CATSPERB: variants seen among roughly 807,000 people sequenced by gnomAD.
CATSPERB encodes catsper channel auxiliary subunit beta, also known as cation channel sperm-associated auxiliary subunit beta.
CATSPERB carries 93 observed loss-of-function variants against 128.3 expected under a neutral mutation model. The observed-to-expected ratio is 0.72, with a 90% CI of 0.61 to 0.86. The LOEUF (loss-of-function observed/expected upper bound fraction) is 0.86, where lower values mean the gene tolerates loss of function less well. CATSPERB is among the 40% of genes least tolerant of loss of function. CATSPERB has a pLI of 0.00. For synonymous variants in CATSPERB, 381 were observed against 448.8 expected (o/e 0.85, Z 1.91); for missense variants, 1,153 against 1,329.5 (o/e 0.87, Z 2.06).
At chr14:91,700,614 C>T (rs1895631640) in intron 7 of CATSPERB, among the ~76,000 whole-genome samples, 1 of 152,066 alleles carries the variant, frequency 6.6e-6, no homozygotes, top group Non-Finnish European at 1.5e-5. Flanking sequence ...TGGATAAAGA[C>T]AATGTGGCAC....
intron 20 of CATSPERB, among the ~76,000 whole-genome samples, chr14:91,615,642 TGAG>T (rs1459794311): frequency 6.6e-6 from 1 of 152,246 alleles, no homozygotes; most frequent in Non-Finnish European, 1.5e-5. Flanking sequence ...TTTAAAAGGC[TGAG>T]TAGTATTACA....
intron 22 of CATSPERB, among the ~76,000 whole-genome samples, chr14:91,601,088 C>G (rs1473771308): frequency 1.3e-5 from 2 of 152,184 alleles, no homozygotes; most frequent in African/African-American, 2.4e-5. Context: ...GAGGTTTCTA[C>G]TCTAAGGCTT....
At chr14:91,699,613 A>T (rs1336624228) in intron 7 of CATSPERB, among the ~76,000 whole-genome samples, 2 of 149,226 alleles carry the variant, frequency 1.3e-5, no homozygotes, top group East Asian at 3.9e-4. Context: ...TGCTCTTGTC[A>T]CCCAGGCTGG....
intron 19 of CATSPERB, among the ~76,000 whole-genome samples, chr14:91,619,327 G>T (rs1372738684): frequency 6.6e-6 from 1 of 151,932 alleles, no homozygotes; most frequent in Non-Finnish European, 1.5e-5. Flanking sequence ...TAAATAGAAA[G>T]TTAAAACCAT....
At chr14:91,683,327 T>A (rs2139839380) in intron 11 of CATSPERB, among the ~76,000 whole-genome samples, 1 of 152,360 alleles carries the variant, frequency 6.6e-6, no homozygotes, top group Non-Finnish European at 1.5e-5. Context: ...CCAGATCGAC[T>A]ATGCCACCCA....
chr14:91,635,011 G>A (rs1327476228), intron 17 of CATSPERB, among the ~76,000 whole-genome samples: 2 of 151,946 alleles, frequency 1.3e-5, no homozygotes, highest in African/African-American at 2.4e-5. Context: ...TCTGGTGAGG[G>A]TCCACTTTCT....
chr14:91,649,961 G>A (rs1241491972), intron 15 of CATSPERB, among the ~76,000 whole-genome samples: 1 of 152,038 alleles, frequency 6.6e-6, no homozygotes, highest in African/African-American at 2.4e-5. Flanking sequence ...CTTTTCAGTA[G>A]CAAAACTTTG....
Position 91,607,367 on chromosome 14 carries a change from G to C in CATSPERB, c.2709+927C>G, listed in dbSNP as rs181720268. Among the ~76,000 whole-genome samples the C allele has an allele frequency of 2.8e-4, 43 of 152,298 alleles. No homozygotes were observed. In the East Asian group the frequency reaches 5.8e-3, roughly 20 times the overall value. On this transcript the variant is annotated intron_variant, in intron 22 of 26. Coordinates refer to ENST00000256343, the MANE Select transcript of CATSPERB (RefSeq NM_024764.4). ...TTCTAAATAGAGTGGTCAGAGAAGG[G>C]CTTACTGTGATGGTGACTTGAGGAA...
chr14:91,630,724 C>T (rs888927688), intron 17 of CATSPERB, among the ~76,000 whole-genome samples: 3 of 152,214 alleles, frequency 2.0e-5, no homozygotes, highest in African/African-American at 7.2e-5. Flanking sequence ...CTTCTACTCA[C>T]ACCCTGTCCC....
chr14:91,596,749 G>A (rs1366520681), intron 22 of CATSPERB, among the ~76,000 whole-genome samples: 1 of 152,032 alleles, frequency 6.6e-6, no homozygotes, highest in African/African-American at 2.4e-5. Flanking sequence ...TACAAATATA[G>A]CCCAAAGAAA....
At chr14:91,665,304 G>A (rs905402908) in intron 14 of CATSPERB, among the ~76,000 whole-genome samples, 3 of 152,056 alleles carry the variant, frequency 2.0e-5, no homozygotes, top group Non-Finnish European at 4.4e-5. Flanking sequence ...CAATCCATGC[G>A]CCCTAGGAAT....
rs1325910454 is a variant in CATSPERB, at chr14:91,673,024, A to G, written c.979-8T>C. Reference sequence around the variant, plus strand: ...ATAAAAACAAGAGCTTGACTATAAAAAAAAGAAGGGAAAAATTAATGCTGT... The same window carrying G: ...ATAAAAACAAGAGCTTGACTATAAAGAAAAGAAGGGAAAAATTAATGCTGT... On this transcript the variant is annotated splice_polypyrimidine_tract_variant and splice_region_variant and intron_variant, in intron 12 of 26. Transcript: ENST00000256343. The G allele has an allele frequency of 6.4e-7, 1 of 1,568,502 alleles. No homozygotes were observed. The highest frequency in any genetic ancestry group is 2.2e-5 in the Admixed American group (1 of 44,604).
chr14:91,587,180 A>G, intron 26 of CATSPERB, 22 bp downstream of exon 26: 1 of 1,573,774 alleles, frequency 6.4e-7, no homozygotes, highest in South Asian at 1.2e-5. Flanking sequence ...CACCCCTCTG[A>G]TGCCAAGTGC....
chr14:91,697,213 G>A (rs1036518316), intron 7 of CATSPERB, among the ~76,000 whole-genome samples: 2 of 152,160 alleles, frequency 1.3e-5, no homozygotes, highest in South Asian at 2.1e-4. Context: ...TGCAGGGCAG[G>A]AGCAGAGATG....
intron 22 of CATSPERB, among the ~76,000 whole-genome samples, chr14:91,596,158 C>A (rs1217734516): frequency 1.3e-5 from 2 of 152,092 alleles, no homozygotes; most frequent in East Asian, 3.9e-4. Context: ...TATCAGAAAA[C>A]CTGCATTTAA....
intron 14 of CATSPERB, among the ~76,000 whole-genome samples, chr14:91,668,764 C>T (rs141458154): frequency 2.2e-4 from 33 of 152,310 alleles, no homozygotes; most frequent in African/African-American, 7.9e-4. Flanking sequence ...CTGTAACACT[C>T]ACTGCGAAGG....
chr14:91,675,804 C>T (rs1895182965), intron 11 of CATSPERB, among the ~76,000 whole-genome samples: 1 of 152,172 alleles, frequency 6.6e-6, no homozygotes, highest in Non-Finnish European at 1.5e-5. Context: ...CAGCTTTTGT[C>T]ACCCTGGTTC....
chr14:91,728,385 G>C (rs1896155462), intron 2 of CATSPERB, among the ~76,000 whole-genome samples: 1 of 152,256 alleles, frequency 6.6e-6, no homozygotes, highest in East Asian at 1.9e-4. Context: ...AAAGTGCTGG[G>C]ATTACAGGTG....
rs149344820 is a variant in CATSPERB at position 91,718,990 on chromosome 14, C to T, written c.370+428G>A. 5.2e-3 allele frequency among the ~76,000 whole-genome samples: 787 copies of T among 152,228 alleles called. 7 individuals are homozygous for T. Among genetic ancestry groups the T allele is most frequent in the African/African-American group, 0.018 (736 of 41,528 alleles). On this transcript the variant is annotated intron_variant, in intron 5 of 26. Transcript: ENST00000256343. The stretch of plus-strand genomic sequence containing the variant: ...CTTTTCTCCTCTTTTCATCTAGGTA[C>T]ATACAGTAGCATATGATGCTACACT...
Sources: gnomAD v4.1 joint callset for allele counts (sites outside exome capture counted in the v4.1 genomes callset) on GRCh38, gnomAD v4.1.1 for gene constraint, MANE v1.5 for transcripts, NCBI Gene and HGNC (gene_info 2026-07-23, HGNC 2026-07-21) for gene names.